The following THSD7B variants were observed in gnomAD, a reference collection of about 807,000 sequenced individuals.
THSD7B encodes thrombospondin type 1 domain containing 7B, also known as thrombospondin type-1 domain-containing protein 7B.
In THSD7B, 138 loss-of-function variants were observed where a neutral mutation model predicts 213.6. That is an observed-to-expected ratio of 0.65 (90% CI 0.56 to 0.74). THSD7B has a LOEUF of 0.74. Among genes scored for constraint, THSD7B ranks in the 30% least tolerant of loss-of-function variants. THSD7B has a pLI of 0.00. For synonymous variants in THSD7B, 742 were observed against 687.0 expected, an observed-to-expected ratio of 1.08 and a Z score of -1.25; for missense variants, 1,931 against 1,991.5, an observed-to-expected ratio of 0.97 and a Z score of 0.58.
intron 2 of THSD7B, among the ~76,000 whole-genome samples, chr2:136,943,475 C>T (rs975934706): frequency 5.9e-5 from 9 of 152,096 alleles, no homozygotes; most frequent in Non-Finnish European, 1.2e-4. Context: ...CCTTTTTGTA[C>T]CTCTGGTAGA....
intron 4 of THSD7B, among the ~76,000 whole-genome samples, chr2:137,096,624 T>C (rs189495351): frequency 1.7e-3 from 265 of 152,328 alleles, no homozygotes; most frequent in African/African-American, 5.9e-3. Flanking sequence ...CCCTTCCTCG[T>C]TGTGTTGTGT....
At chr2:136,819,164 A>G (rs867708065) in intron 1 of THSD7B, among the ~76,000 whole-genome samples, 1 of 152,220 alleles carries the variant, frequency 6.6e-6, no homozygotes, top group Non-Finnish European at 1.5e-5. Flanking sequence ...TAGGCAAAAA[A>G]ACAAAGAAGC....
chr2:137,165,464 C>T (rs1680106394), intron 6 of THSD7B, among the ~76,000 whole-genome samples: 1 of 152,082 alleles, frequency 6.6e-6, no homozygotes, highest in Non-Finnish European at 1.5e-5. Flanking sequence ...GTTATTTCTA[C>T]TGACTTGTGT....
rs867876857 is a variant in THSD7B, at chr2:137,486,156, A to C, written c.3138+35133A>C. ...ATTCACACATAACAATATTAACTTT[A>C]AATGTAAATGGACTAAATGCTCCAA... On this transcript the variant is annotated intron_variant, in intron 15 of 27. Coordinates refer to ENST00000409968, the MANE Select transcript of THSD7B (RefSeq NM_001316349.2). Among the ~76,000 whole-genome samples, 19 of 152,274 alleles carry C rather than the reference A, an allele frequency of 1.2e-4. No homozygotes were observed. The South Asian group carries it at 1.4e-3, about 12-fold the overall frequency.
chr2:137,543,759 A>C (rs905498363), intron 15 of THSD7B, among the ~76,000 whole-genome samples: 1 of 151,752 alleles, frequency 6.6e-6, no homozygotes, highest in Non-Finnish European at 1.5e-5. Flanking sequence ...AACTCTTACA[A>C]CTGAACAACA....
intron 7 of THSD7B, among the ~76,000 whole-genome samples, chr2:137,182,739 C>T (rs1055474316): frequency 1.3e-5 from 2 of 152,136 alleles, no homozygotes; most frequent in African/African-American, 2.4e-5. Context: ...ACTCATTTTA[C>T]GTCCTTCCTT....
At chr2:137,140,692 C>T (rs1430718008) in intron 5 of THSD7B, among the ~76,000 whole-genome samples, 2 of 152,058 alleles carry the variant, frequency 1.3e-5, no homozygotes, top group African/African-American at 2.4e-5. Flanking sequence ...CGAACAAATA[C>T]TTATTGAGTG....
intron 10 of THSD7B, among the ~76,000 whole-genome samples, chr2:137,270,558 A>G (rs1038051807): frequency 6.6e-6 from 1 of 152,180 alleles, no homozygotes; most frequent in African/African-American, 2.4e-5. Context: ...CAGAACATTA[A>G]TGGGTAATGA....
intron 12 of THSD7B, among the ~76,000 whole-genome samples, chr2:137,281,530 G>C (rs1683013347): frequency 6.6e-6 from 1 of 151,838 alleles, no homozygotes; most frequent in Non-Finnish European, 1.5e-5. Flanking sequence ...CTAGCATTAG[G>C]TATATCTCCC....
intron 5 of THSD7B, among the ~76,000 whole-genome samples, chr2:137,116,259 G>T (rs1688445946): frequency 6.6e-6 from 1 of 152,144 alleles, no homozygotes. Flanking sequence ...TTCAACAACT[G>T]GTGCTAAAAG....
chr2:137,564,657 T>A (rs1681195801), intron 16 of THSD7B, among the ~76,000 whole-genome samples: 1 of 152,128 alleles, frequency 6.6e-6, no homozygotes, highest in African/African-American at 2.4e-5. Flanking sequence ...CTTAGAAATA[T>A]TCAAGGAAAA....
chr2:136,812,519 A>G (rs1362046857), intron 1 of THSD7B, among the ~76,000 whole-genome samples: 2 of 152,364 alleles, frequency 1.3e-5, no homozygotes, highest in Non-Finnish European at 2.9e-5. Context: ...AAATAGTTGT[A>G]AAATAGTAAT....
chr2:137,275,420 A>T (rs950422143), intron 11 of THSD7B, among the ~76,000 whole-genome samples: 4 of 152,090 alleles, frequency 2.6e-5, no homozygotes, highest in Admixed American at 1.3e-4. Context: ...AGCTTATAAA[A>T]ATTTTGAAGC....
intron 1 of THSD7B, among the ~76,000 whole-genome samples, chr2:136,867,482 G>A (rs1012391260): frequency 2.0e-5 from 3 of 152,098 alleles, no homozygotes; most frequent in African/African-American, 7.2e-5. Context: ...CCTTATAACT[G>A]AGAATGAAAG....
At chr2:136,855,142 T>C (rs1410524144) in intron 1 of THSD7B, among the ~76,000 whole-genome samples, 1 of 152,198 alleles carries the variant, frequency 6.6e-6, no homozygotes, top group African/African-American at 2.4e-5. Context: ...TATAGAGATA[T>C]ATCTCTTTGG....
At chr2:136,927,496 C>A (rs1322451952) in intron 2 of THSD7B, among the ~76,000 whole-genome samples, 5 of 152,198 alleles carry the variant, frequency 3.3e-5, no homozygotes, top group Non-Finnish European at 7.3e-5. Context: ...GTTGTGGAAT[C>A]CTTATGAAAT....
intron 15 of THSD7B, among the ~76,000 whole-genome samples, chr2:137,510,294 A>G (rs1437988274): frequency 6.6e-6 from 1 of 152,116 alleles, no homozygotes; most frequent in Non-Finnish European, 1.5e-5. Context: ...TATAGCGATT[A>G]TAACATGCAT....
At chr2:136,890,080 C>T (rs1683788020) in intron 2 of THSD7B, among the ~76,000 whole-genome samples, 1 of 152,020 alleles carries the variant, frequency 6.6e-6, no homozygotes, top group Non-Finnish European at 1.5e-5. Context: ...GTATTATAGT[C>T]CCCAGTGCCA....
intron 15 of THSD7B, among the ~76,000 whole-genome samples, chr2:137,561,993 A>G (rs1399345941): frequency 6.6e-6 from 1 of 152,126 alleles, no homozygotes; most frequent in Non-Finnish European, 1.5e-5. Flanking sequence ...AGTTTCTGAC[A>G]TTATTTGTGA....
Sources: allele counts gnomAD v4.1 joint callset (sites outside exome capture counted in the v4.1 genomes callset), GRCh38; gene constraint gnomAD v4.1.1; transcripts MANE v1.5; gene names NCBI Gene and HGNC (gene_info 2026-07-23, HGNC 2026-07-21).